The following SCARB1 variants were observed in gnomAD, a reference collection of about 807,000 sequenced individuals.
SCARB1 encodes CD36 and LIMPII analogous 1.
Under a neutral mutation model 57.2 loss-of-function variants are expected in SCARB1, and 30 were observed. That is an observed-to-expected ratio of 0.52 (90% CI 0.39 to 0.71). The LOEUF (loss-of-function observed/expected upper bound fraction) is 0.71, where lower values mean the gene tolerates loss of function less well. SCARB1 is among the 30% of genes least tolerant of loss of function. SCARB1 has a pLI of 0.00. For missense variants in SCARB1, 543 were observed against 671.2 expected (o/e 0.81, Z 2.11); for synonymous variants, 249 against 268.3 (o/e 0.93, Z 0.70).
intron 1 of SCARB1, among the ~76,000 whole-genome samples, chr12:124,837,744 A>T (rs1195438371): frequency 1.8e-3 from 27 of 14,950 alleles, no homozygotes; most frequent in Middle Eastern, 0.045. Context: ...CCAACCTATA[A>T]AAAAAAAAAA....
chr12:124,842,189 G>T (rs1323144781), intron 1 of SCARB1, among the ~76,000 whole-genome samples: 1 of 152,198 alleles, frequency 6.6e-6, no homozygotes, highest in African/African-American at 2.4e-5. Context: ...AGCGCCCCAC[G>T]CCCCGTGTCA....
At chr12:124,805,185 G>T (rs1247428662) in intron 7 of SCARB1, among the ~76,000 whole-genome samples, 2 of 152,032 alleles carry the variant, frequency 1.3e-5, no homozygotes, top group Non-Finnish European at 2.9e-5. Flanking sequence ...GCAGGTGGGA[G>T]AGGGGGCAAC....
rs1197379421 is a variant in SCARB1, at chr12:124,839,139, A to T, written c.127-21432T>A. The T allele has an allele frequency of 9.3e-6, 4 of 430,450 alleles. No homozygotes were observed. The Admixed American group carries it at 1.0e-4, about 11-fold the overall frequency. 26.7% of individuals were successfully genotyped at this position (430,450 alleles called of 1,614,324 possible). A position where few individuals can be genotyped will look rare whatever the true frequency, so the allele number is the denominator to read the frequency against. On this transcript the variant is annotated intron_variant, in intron 1 of 12. Transcript: ENST00000261693. ...AGGACATTTGCAATGTTGTGCAATT[A>T]TCAGCAACATCCATCTAAAGAACTC...
chr12:124,829,834 A>C (rs780725422), intron 1 of SCARB1, among the ~76,000 whole-genome samples: 1 of 152,322 alleles, frequency 6.6e-6, no homozygotes, highest in South Asian at 2.1e-4. Flanking sequence ...TGAAAATACC[A>C]TTCTTCCTAA....
rs917320441 is a variant in SCARB1, at chr12:124,807,588, C to A, written c.1009+173G>T. Among the ~76,000 whole-genome samples, 1 of 152,200 alleles carries A rather than the reference C, an allele frequency of 6.6e-6. No individual in the cohort carries two copies. The highest frequency in any genetic ancestry group is 6.5e-5 in the Admixed American group (1 of 15,282). On this transcript the variant is annotated intron_variant, in intron 7 of 12. Coordinates refer to ENST00000261693, the MANE Select transcript of SCARB1 (RefSeq NM_005505.5). This position sits in a 1 kb window ranked among gnomAD's most constrained non-coding sequence, Gnocchi z 5.3. Reference sequence around the variant, plus strand: ...ATATATTGTGACAGCAACTAATAGACCTGGCATTTCTTCCTTTTCAGATTA... The same window carrying A: ...ATATATTGTGACAGCAACTAATAGAACTGGCATTTCTTCCTTTTCAGATTA...
At position 124,799,466 on chromosome 12, in the gene SCARB1, G is replaced by A. The variant is rs544455168; in HGVS notation, c.1128+658C>T. Among the ~76,000 whole-genome samples the A allele has an allele frequency of 3.3e-5, 5 of 152,196 alleles. No homozygotes were observed. In the East Asian group the frequency reaches 9.6e-4, roughly 29 times the overall value. On this transcript the variant is annotated intron_variant, in intron 8 of 12. Coordinates refer to ENST00000261693, the MANE Select transcript of SCARB1 (RefSeq NM_005505.5). ...ACCTGAACCCAGGGAGGTCGAAGCT[G>A]CAGTGAGCCATGATCATGCCACTGC...
In SCARB1 at chr12:124,789,881, C is replaced by T. The variant is rs143037160; in HGVS notation, c.1203-2424G>A. ...TAAAAATTGGCCGGACGTGGTGGCA[C>T]ATGCCTGTAATCCCAGCTACTCGGG... On this transcript the variant is annotated intron_variant, in intron 9 of 12. Transcript: ENST00000261693. This position sits in a 1 kb window ranked among gnomAD's most constrained non-coding sequence, Gnocchi z 4.4. Among the ~76,000 whole-genome samples, 171 of 151,966 alleles carry T rather than the reference C, an allele frequency of 1.1e-3. No homozygotes were observed. Among genetic ancestry groups the T allele is most frequent in the African/African-American group, 3.7e-3 (153 of 41,450 alleles).
At chr12:124,799,988 G>A in intron 8 of SCARB1, 136 bp downstream of exon 8, 2 of 731,962 alleles carry the variant, frequency 2.7e-6, no homozygotes, top group Non-Finnish European at 5.0e-6. Context: ...AAGGAACTTT[G>A]GTGGCTCGAG....
rs1872736896 is a variant in SCARB1 at position 124,778,525 on chromosome 12, G to C, written c.*62C>G. 2 of 1,373,804 alleles carry C rather than the reference G, an allele frequency of 1.5e-6. No homozygotes were observed. Among genetic ancestry groups the C allele is most frequent in the South Asian group, 1.8e-5 (1 of 54,754 alleles). 85.1% of individuals were successfully genotyped at this position (1,373,804 alleles called of 1,614,324 possible). Reference sequence around the variant, plus strand: ...AGAGTCCGGGAGAAGCGGGGTGTAGGGGCTGGGGGGCCGGTCAGGCCCAGC... The same window carrying C: ...AGAGTCCGGGAGAAGCGGGGTGTAGCGGCTGGGGGGCCGGTCAGGCCCAGC... On this transcript the variant is annotated 3_prime_UTR_variant, in exon 13 of 13. Transcript: ENST00000261693.
At chr12:124,820,792 G>C (rs1190865678) in intron 1 of SCARB1, among the ~76,000 whole-genome samples, 7 of 152,202 alleles carry the variant, frequency 4.6e-5, no homozygotes, top group African/African-American at 1.7e-4. Context: ...AAAACAGTGG[G>C]GGGCAGGAGG....
rs60227139 is a variant in SCARB1, at chr12:124,810,499, G to C, written c.727-210C>G. On this transcript the variant is annotated intron_variant, in intron 5 of 12. Coordinates refer to ENST00000261693, the MANE Select transcript of SCARB1 (RefSeq NM_005505.5). This position sits in a 1 kb window ranked among gnomAD's most constrained non-coding sequence, Gnocchi z 4.0. Reference sequence around the variant, plus strand: ...CCCAGACCCCTGAATGTGTAACTTCGCTAGGGACTCAGTTCTTTCATCTGC... The same window carrying C: ...CCCAGACCCCTGAATGTGTAACTTCCCTAGGGACTCAGTTCTTTCATCTGC... Among the ~76,000 whole-genome samples the C allele has an allele frequency of 5.9e-4, 90 of 152,194 alleles. No individual in the cohort carries two copies. The highest frequency in any genetic ancestry group is 2.1e-3 in the African/African-American group (88 of 41,516).
chr12:124,786,560 G>A (rs544780155), intron 10 of SCARB1, 57 bp from the exon 11 acceptor site: 88 of 1,603,642 alleles, frequency 5.5e-5, no homozygotes, highest in Non-Finnish European at 6.7e-5. Flanking sequence ...GGGCTACAGC[G>A]CAGATGCCAC....
In SCARB1 at chr12:124,815,074, C is replaced by T. The variant is rs749061890; in HGVS notation, c.325G>A (p.Asp109Asn). The change falls in exon 3 of 13, where the codon GAC (aspartate) becomes AAC (asparagine). Residue 109 changes from aspartate (D) to asparagine (N), a missense_variant. Transcript: ENST00000261693. ...HKSNITFNNN[D>N]TVSFLEYRTF... The stretch of plus-strand genomic sequence containing the variant: ...CGGTACTCGAGGAAGGACACGGTGT[C>T]GTTGTTGTTGAAGGTGATGTTGCTT... The T allele has an allele frequency of 2.3e-5, 37 of 1,613,954 alleles. No homozygotes were observed. The highest frequency in any genetic ancestry group is 5.0e-5 in the Admixed American group (3 of 60,008).
rs1430384935 is a variant in SCARB1 at position 124,863,687 on chromosome 12, C to T, written c.34G>A (p.Gly12Arg). Reference protein sequence around the residue: ...GCSAKARWAAGALGVAGLLCA... With the variant: ...GCSAKARWAARALGVAGLLCA... ...AGTAGCCCCGCGACGCCCAGCGCCC[C>T]GGCAGCCCAGCGCGCTTTGGCGGAG... Residue 12 changes from glycine to arginine, a missense_variant, in exon 1 of 13, where the codon GGG (glycine) becomes AGG (arginine). Transcript: ENST00000261693. The T allele has an allele frequency of 2.6e-6, 4 of 1,553,042 alleles. No individual in the cohort carries two copies. The highest frequency in any genetic ancestry group is 3.5e-6 in the Non-Finnish European group (4 of 1,150,368).
chr12:124,812,020 C>A lies in SCARB1; in HGVS notation c.631-55G>T. 1 of 1,398,356 alleles carries A rather than the reference C, an allele frequency of 7.2e-7. No homozygotes were observed. The highest frequency in any genetic ancestry group is 1.0e-6 in the Non-Finnish European group (1 of 1,001,538). 86.6% of individuals were successfully genotyped at this position (1,398,356 alleles called of 1,614,324 possible). ...AGGCTTAGGCCTGCCATTGAGCCGG[C>A]CTGGTCTGAACATTCTGGGCTGAGC... On this transcript the variant is annotated intron_variant, in intron 4 of 12. Coordinates refer to ENST00000261693, the MANE Select transcript of SCARB1 (RefSeq NM_005505.5). The surrounding 1 kb of genome is among the most constrained non-coding windows in gnomAD (Gnocchi z 4.3).
intron 2 of SCARB1, among the ~76,000 whole-genome samples, chr12:124,816,398 G>T (rs1050522700): frequency 3.3e-5 from 5 of 152,194 alleles, no homozygotes; most frequent in African/African-American, 1.2e-4. Context: ...CCACTGCTGG[G>T]TCCCCTGTAC....
At chr12:124,797,315 T>C (rs1292348880) in intron 8 of SCARB1, among the ~76,000 whole-genome samples, 1 of 152,154 alleles carries the variant, frequency 6.6e-6, no homozygotes, top group Non-Finnish European at 1.5e-5. Context: ...CAGCGTCCTG[T>C]TGAGTCCCCC....
rs1269249880 is a variant in SCARB1 at position 124,822,290 on chromosome 12, G to T, written c.127-4583C>A. 1.3e-5 allele frequency among the ~76,000 whole-genome samples: 2 copies of T among 152,108 alleles called. No individual in the cohort carries two copies. Among genetic ancestry groups the T allele is most frequent in the African/African-American group, 4.8e-5 (2 of 41,394 alleles). The stretch of plus-strand genomic sequence containing the variant: ...GAAACAACTCAAATATCCATCAACA[G>T]ATAAATGAATTGCCACATATCCACA... On this transcript the variant is annotated intron_variant, in intron 1 of 12. Transcript: ENST00000261693. The surrounding 1 kb of genome is among the most constrained non-coding windows in gnomAD (Gnocchi z 5.0).
At chr12:124,837,742 TAA>T (rs35799687) in intron 1 of SCARB1, among the ~76,000 whole-genome samples, 68 of 146,064 alleles carry the variant, frequency 4.7e-4, no homozygotes, top group Middle Eastern at 3.4e-3. Flanking sequence ...CACCAACCTA[TAA>T]AAAAAAAAAA....
Sources: allele counts gnomAD v4.1 joint callset (sites outside exome capture counted in the v4.1 genomes callset), GRCh38; gene constraint gnomAD v4.1.1; non-coding constraint Gnocchi (gnomAD v3.1); transcripts MANE v1.5; gene names NCBI Gene and HGNC (gene_info 2026-07-23, HGNC 2026-07-21).